The following CFAP299 variants were observed in gnomAD, a reference collection of about 807,000 sequenced individuals.
CFAP299 encodes the protein cilia and flagella associated protein 299.
A neutral mutation model predicts 27.0 loss-of-function variants in CFAP299; 21 were observed. The observed-to-expected ratio is 0.78, with a 90% confidence interval of 0.55 to 1.12. The LOEUF (loss-of-function observed/expected upper bound fraction) is 1.12, where lower values mean the gene tolerates loss of function less well. CFAP299 is among the 50% of genes most tolerant of loss of function. The probability of loss-of-function intolerance (pLI) is 0.00; values close to 1 mark genes in which losing one functional copy is unlikely to be tolerated. For missense variants in CFAP299, 310 were observed against 276.6 expected (o/e 1.12, Z -0.86); for synonymous variants, 104 against 98.1 (o/e 1.06, Z -0.36).
rs568827699 is a variant in CFAP299, at chr4:80,409,184, A to G, written c.242+46300A>G. 1.6e-4 allele frequency among the ~76,000 whole-genome samples: 25 copies of G among 152,262 alleles called. No homozygotes were observed. The East Asian group carries it at 2.9e-3, about 18-fold the overall frequency. The stretch of plus-strand genomic sequence containing the variant: ...TGAAGGTAAACAGAGAAAGAAAAAA[A>G]TGAGAAATTTTTGCTGGTTCCAAAT... On this transcript the variant is annotated intron_variant, in intron 2 of 5. Coordinates refer to ENST00000358105, the MANE Select transcript of CFAP299 (RefSeq NM_152770.3).
chr4:80,431,086 C>G (rs1490312040), intron 2 of CFAP299, among the ~76,000 whole-genome samples: 1 of 152,208 alleles, frequency 6.6e-6, no homozygotes, highest in Non-Finnish European at 1.5e-5. Flanking sequence ...TCTATATTCC[C>G]TGTTAAGGTT....
intron 3 of CFAP299, among the ~76,000 whole-genome samples, chr4:80,692,421 C>A (rs976593159): frequency 2.6e-5 from 4 of 152,092 alleles, no homozygotes; most frequent in African/African-American, 9.7e-5. Flanking sequence ...CTTTGAGAAA[C>A]CTGAGAAAAG....
rs187108694 is a variant in CFAP299, at chr4:80,548,070, G to A, written c.243-35023G>A. 2.3e-3 allele frequency among the ~76,000 whole-genome samples: 347 copies of A among 152,164 alleles called. 1 individual carries two copies. Among genetic ancestry groups the A allele is most frequent in the Non-Finnish European group, 3.7e-3 (251 of 68,000 alleles). On this transcript the variant is annotated intron_variant, in intron 2 of 5. Transcript: ENST00000358105. Reference sequence around the variant, plus strand: ...AAATTGTTCTATCAAAAAGGCACACGCCCTTGTGTGTTCATTGCAGCACTG... The same window carrying A: ...AAATTGTTCTATCAAAAAGGCACACACCCTTGTGTGTTCATTGCAGCACTG...
chr4:80,741,648 G>A (rs1363878525), intron 3 of CFAP299, among the ~76,000 whole-genome samples: 1 of 152,156 alleles, frequency 6.6e-6, no homozygotes, highest in African/African-American at 2.4e-5. Flanking sequence ...TACTGCCTTG[G>A]GTTGGGGGGA....
At chr4:80,555,826 G>A (rs1302464859) in intron 2 of CFAP299, among the ~76,000 whole-genome samples, 2 of 151,992 alleles carry the variant, frequency 1.3e-5, no homozygotes, top group African/African-American at 4.8e-5. Flanking sequence ...TTTTATTTCT[G>A]TGGGGCCAGT....
chr4:80,328,076 GA>G, the CFAP299 span, among the ~76,000 whole-genome samples: 1 of 151,520 alleles, frequency 6.6e-6, no homozygotes, highest in African/African-American at 2.4e-5. Flanking sequence ...TGGCGACCTA[GA>G]AAAAAAACAA....
At chr4:80,819,961 C>T (rs1729615985) in intron 3 of CFAP299, among the ~76,000 whole-genome samples, 1 of 152,068 alleles carries the variant, frequency 6.6e-6, no homozygotes, top group Admixed American at 6.6e-5. Flanking sequence ...TTTTCCCCTT[C>T]TTATGTTGTT....
chr4:80,374,969 G>A (rs1415344659), intron 2 of CFAP299, among the ~76,000 whole-genome samples: 1 of 151,336 alleles, frequency 6.6e-6, no homozygotes, highest in South Asian at 2.1e-4. Flanking sequence ...CATCTTATTC[G>A]ACTTGCCCAC....
intron 3 of CFAP299, among the ~76,000 whole-genome samples, chr4:80,591,104 A>ATTTTTTTTTTTTTTTTT (rs1339201630): frequency 6.9e-5 from 8 of 116,494 alleles, no homozygotes; most frequent in Non-Finnish European, 6.9e-5. Context: ...TACTTTAGGA[A>ATTTTTTTTTTTTTTTTT]ATTTTTTTTT....
At chr4:80,366,022 T>G (rs1425730048) in intron 2 of CFAP299, among the ~76,000 whole-genome samples, 1 of 152,246 alleles carries the variant, frequency 6.6e-6, no homozygotes, top group Non-Finnish European at 1.5e-5. Flanking sequence ...GTTGCCTTTG[T>G]AATGGGATGG....
chr4:80,648,771 A>G (rs905043736), intron 3 of CFAP299: 1 of 152,188 alleles, frequency 6.6e-6, no homozygotes, highest in Non-Finnish European at 1.5e-5. Flanking sequence ...ACAATAATTT[A>G]AGTTAAAATT....
Position 80,579,156 on chromosome 4 carries a change from GC to G in CFAP299, c.243-3936del, listed in dbSNP as rs542333493. Among the ~76,000 whole-genome samples the G allele has an allele frequency of 4.6e-3, 698 of 152,254 alleles. 5 individuals are homozygous for G. Among genetic ancestry groups the G allele is most frequent in the Non-Finnish European group, 8.0e-3 (543 of 68,024 alleles). On this transcript the variant is annotated intron_variant, in intron 2 of 5. Coordinates refer to ENST00000358105, the MANE Select transcript of CFAP299 (RefSeq NM_152770.3). ...GGTATTCTGAAATATCAGGGACCCT[GC>G]TCCTCTCTTTGTTTCTCCATAATAG...
intron 3 of CFAP299, among the ~76,000 whole-genome samples, chr4:80,713,088 G>A (rs1722269226): frequency 6.6e-6 from 1 of 152,144 alleles, no homozygotes; most frequent in Admixed American, 6.6e-5. Flanking sequence ...GTATGTAGGA[G>A]TTAACCTAAT....
At chr4:80,484,029 A>G (rs1257711013) in intron 2 of CFAP299, among the ~76,000 whole-genome samples, 2 of 152,166 alleles carry the variant, frequency 1.3e-5, no homozygotes, top group Non-Finnish European at 1.5e-5. Flanking sequence ...CCGAAGAAGT[A>G]TTAATATAGC....
chr4:80,705,929 T>C (rs927672753), intron 3 of CFAP299, among the ~76,000 whole-genome samples: 2 of 151,860 alleles, frequency 1.3e-5, no homozygotes, highest in Non-Finnish European at 2.9e-5. Context: ...TGAGTGTGTT[T>C]TAACTAGGGA....
At chr4:80,871,202 T>C (rs1039650344) in intron 4 of CFAP299, 3 of 985,394 alleles carry the variant, frequency 3.0e-6, no homozygotes, top group African/African-American at 3.5e-5. Flanking sequence ...CCACCGAGCC[T>C]GACTCCCATC....
intron 2 of CFAP299, among the ~76,000 whole-genome samples, chr4:80,575,968 T>C (rs1333542592): frequency 3.3e-5 from 5 of 151,270 alleles, no homozygotes. Flanking sequence ...TTCTCACTCA[T>C]AGGTGGGAAC....
At chr4:80,752,124 C>A (rs1724966088) in intron 3 of CFAP299, among the ~76,000 whole-genome samples, 1 of 152,090 alleles carries the variant, frequency 6.6e-6, no homozygotes. Flanking sequence ...CTCACTGCTT[C>A]CCTTGGCTTT....
intron 2 of CFAP299, among the ~76,000 whole-genome samples, chr4:80,562,098 A>G (rs1006383866): frequency 3.3e-5 from 5 of 152,158 alleles, no homozygotes; most frequent in African/African-American, 1.2e-4. Flanking sequence ...ACTATAAGAT[A>G]GTATTTGCAA....
Sources: allele counts gnomAD v4.1 joint callset (sites outside exome capture counted in the v4.1 genomes callset), GRCh38; gene constraint gnomAD v4.1.1; transcripts MANE v1.5; gene names NCBI Gene and HGNC (gene_info 2026-07-23, HGNC 2026-07-21).